The following ARHGEF28 variants were observed in gnomAD, a reference collection of about 807,000 sequenced individuals.
The protein encoded by ARHGEF28 is Rho guanine nucleotide exchange factor 28.
A neutral mutation model predicts 206.6 loss-of-function variants in ARHGEF28; 152 were observed. The observed-to-expected ratio is 0.74, with a 90% confidence interval of 0.64 to 0.84. ARHGEF28 has a LOEUF of 0.84. ARHGEF28 is among the 40% of genes least tolerant of loss of function. The pLI is 0.00. For missense variants in ARHGEF28, 2,028 were observed against 2,073.2 expected (o/e 0.98, Z 0.42); for synonymous variants, 763 against 776.4 (o/e 0.98, Z 0.29).
At chr5:73,825,022 T>C (rs1483473758) in intron 9 of ARHGEF28, among the ~76,000 whole-genome samples, 1 of 152,200 alleles carries the variant, frequency 6.6e-6, no homozygotes, top group Non-Finnish European at 1.5e-5. Context: ...TTCTTGATGA[T>C]AAATTATTTA....
chr5:73,725,155 C>A (rs1051567795), intron 2 of ARHGEF28, among the ~76,000 whole-genome samples: 4 of 152,020 alleles, frequency 2.6e-5, no homozygotes, highest in African/African-American at 7.2e-5. Flanking sequence ...TTTTGTTTCA[C>A]AAATATTTTC....
chr5:73,884,680 T>C (rs993189128), intron 24 of ARHGEF28, among the ~76,000 whole-genome samples: 1 of 152,308 alleles, frequency 6.6e-6, no homozygotes, highest in South Asian at 2.1e-4. Flanking sequence ...AATTATTAAC[T>C]GAGCCTCAGT....
At chr5:73,824,219 C>G (rs1212557222) in intron 9 of ARHGEF28, among the ~76,000 whole-genome samples, 1 of 152,198 alleles carries the variant, frequency 6.6e-6, no homozygotes, top group Admixed American at 6.5e-5. Context: ...TACTCTTGGG[C>G]TACTGCTACC....
chr5:73,703,766 A>G (rs1357169907), intron 2 of ARHGEF28, among the ~76,000 whole-genome samples: 2 of 151,936 alleles, frequency 1.3e-5, no homozygotes, highest in Non-Finnish European at 2.9e-5. Context: ...GACCAGGCGC[A>G]GTGGCTCATG....
chr5:73,906,320 CCT>C (rs1328965717), intron 33 of ARHGEF28, among the ~76,000 whole-genome samples: 1 of 152,152 alleles, frequency 6.6e-6, no homozygotes, highest in Non-Finnish European at 1.5e-5. Flanking sequence ...CTCACTGCAA[CCT>C]CTGTCTCCCA....
chr5:73,768,020 T>G (rs952356701), intron 4 of ARHGEF28, among the ~76,000 whole-genome samples: 10 of 152,144 alleles, frequency 6.6e-5, no homozygotes, highest in African/African-American at 2.4e-4. Context: ...GCTGCAAACC[T>G]CAAGCCTTGG....
chr5:73,684,904 GCTTCAGGTC>G lies in ARHGEF28; in HGVS notation c.33+22_33+30del. The stretch of plus-strand genomic sequence containing the variant: ...CTTTACGTAAGTTGCTAAGCACGGG[GCTTCAGGTC>G]CAAGGGGCCCTTTCTTAACTCCAAA... On this transcript the variant is annotated intron_variant, in intron 2 of 35. Transcript: ENST00000513042. The G allele has an allele frequency of 6.2e-7, 1 of 1,611,136 alleles. No homozygotes were observed. Among genetic ancestry groups the G allele is most frequent in the Non-Finnish European group, 8.5e-7 (1 of 1,178,340 alleles).
intron 9 of ARHGEF28, among the ~76,000 whole-genome samples, chr5:73,796,440 G>A (rs1195178095): frequency 6.6e-6 from 1 of 151,968 alleles, no homozygotes; most frequent in African/African-American, 2.4e-5. Flanking sequence ...TGGAGAAGGT[G>A]GGTAACCCAC....
At chr5:73,925,688 A>AGAATG (rs1029937138) in intron 35 of ARHGEF28, among the ~76,000 whole-genome samples, 7 of 152,216 alleles carry the variant, frequency 4.6e-5, no homozygotes, top group Non-Finnish European at 1.0e-4. Context: ...CGCTGATTCT[A>AGAATG]GAATGGAATG....
Position 73,651,172 on chromosome 5 carries a change from G to A in ARHGEF28, c.-12+24850G>A, listed in dbSNP as rs540280242. ...GGGTTTGGTTGAGCCTAAGAAGAAG[G>A]GAATGGAAAATGCTCTTGGAGGTGT... On this transcript the variant is annotated intron_variant, in intron 1 of 35. Coordinates refer to ENST00000513042, the MANE Select transcript of ARHGEF28 (RefSeq NM_001177693.2). Among the ~76,000 whole-genome samples the A allele has an allele frequency of 1.2e-4, 18 of 152,286 alleles. No homozygotes were observed. In the South Asian group the frequency reaches 3.7e-3, roughly 32 times the overall value.
At position 73,753,633 on chromosome 5, in the gene ARHGEF28, A is replaced by G. The variant is rs546065907; in HGVS notation, c.475+431A>G. On this transcript the variant is annotated intron_variant, in intron 4 of 35. Coordinates refer to ENST00000513042, the MANE Select transcript of ARHGEF28 (RefSeq NM_001177693.2). ...TGTGACCACATGGGAAACATAACCA[A>G]TGAATTGACATCTTTGAAAGTGTCA... 1.2e-3 allele frequency among the ~76,000 whole-genome samples: 183 copies of G among 152,290 alleles called. 2 individuals are homozygous for G. Among genetic ancestry groups the G allele is most frequent in the African/African-American group, 4.3e-3 (177 of 41,572 alleles).
chr5:73,785,798 A>T (rs552147130), intron 7 of ARHGEF28, among the ~76,000 whole-genome samples: 1 of 152,224 alleles, frequency 6.6e-6, no homozygotes, highest in African/African-American at 2.4e-5. Flanking sequence ...GGAAATAGGG[A>T]TTGGAACATG....
At chr5:73,799,780 G>C (rs1755027229) in intron 9 of ARHGEF28, among the ~76,000 whole-genome samples, 1 of 152,188 alleles carries the variant, frequency 6.6e-6, no homozygotes, top group African/African-American at 2.4e-5. Flanking sequence ...TTCCCTATGA[G>C]GGAAGGTGAT....
chr5:73,894,650 C>T (rs1233846415), intron 29 of ARHGEF28, 75 bp downstream of exon 29: 9 of 1,508,744 alleles, frequency 6.0e-6, no homozygotes, highest in Non-Finnish European at 8.0e-6. Context: ...GTGCCATGCA[C>T]TGTGGTCTTG....
At chr5:73,667,372 G>C (rs769695568) in intron 1 of ARHGEF28, among the ~76,000 whole-genome samples, 1 of 152,104 alleles carries the variant, frequency 6.6e-6, no homozygotes. Context: ...AAGGAGTGCT[G>C]CCATAGAATA....
intron 4 of ARHGEF28, among the ~76,000 whole-genome samples, chr5:73,763,357 C>T (rs909787559): frequency 6.6e-6 from 1 of 152,040 alleles, no homozygotes; most frequent in Non-Finnish European, 1.5e-5. Context: ...TTTCTCAATC[C>T]GGGACTTTGG....
intron 1 of ARHGEF28, among the ~76,000 whole-genome samples, chr5:73,634,863 G>T (rs907041369): frequency 3.3e-5 from 5 of 152,158 alleles, no homozygotes; most frequent in Admixed American, 6.5e-5. Context: ...TCTATCACCA[G>T]CCCCAAGCCA....
intron 9 of ARHGEF28, among the ~76,000 whole-genome samples, chr5:73,819,809 G>C (rs375325001): frequency 1.3e-5 from 2 of 152,174 alleles, no homozygotes; most frequent in African/African-American, 4.8e-5. Context: ...GCAAAGTCAG[G>C]TAAATATTTC....
At chr5:73,875,737 C>T (rs1271424317) in intron 22 of ARHGEF28, among the ~76,000 whole-genome samples, 7 of 151,406 alleles carry the variant, frequency 4.6e-5, no homozygotes, top group East Asian at 3.9e-4. Flanking sequence ...TGTAGATATG[C>T]GGCGTTATTT....
Sources: allele counts gnomAD v4.1 joint callset (sites outside exome capture counted in the v4.1 genomes callset), GRCh38; gene constraint gnomAD v4.1.1; transcripts MANE v1.5; gene names NCBI Gene and HGNC (gene_info 2026-07-23, HGNC 2026-07-21).